PIWIL3: variants seen among roughly 807,000 people sequenced by gnomAD.
The protein encoded by PIWIL3 is piwi like RNA-mediated gene silencing 3, also known as piwi-like protein 3.
PIWIL3 carries 101 observed loss-of-function variants against 109.7 expected under a neutral mutation model. The ratio of observed to expected loss-of-function variants is 0.92; its 90% CI spans 0.78 to 1.09. The LOEUF (loss-of-function observed/expected upper bound fraction) is 1.09, where lower values mean the gene tolerates loss of function less well. PIWIL3 is among the 50% of genes least tolerant of loss of function. The probability of loss-of-function intolerance (pLI) is 0.00; values close to 1 mark genes in which losing one functional copy is unlikely to be tolerated. For missense variants in PIWIL3, 1,031 were observed against 1,072.6 expected (o/e 0.96, Z 0.54); for synonymous variants, 373 against 376.4 (o/e 0.99, Z 0.10).
intron 12 of PIWIL3, among the ~76,000 whole-genome samples, chr22:24,739,795 A>G (rs1923874485): frequency 6.6e-6 from 1 of 152,154 alleles, no homozygotes; most frequent in Non-Finnish European, 1.5e-5. Context: ...TCATGCCTGT[A>G]ATCCCAGCAT....
At chr22:24,732,342 G>C (rs1420180545) in intron 14 of PIWIL3, among the ~76,000 whole-genome samples, 1 of 152,078 alleles carries the variant, frequency 6.6e-6, no homozygotes, top group Admixed American at 6.6e-5. Flanking sequence ...CATCCATTTG[G>C]GGTACATAAG....
rs544015351 is a variant in PIWIL3, at chr22:24,760,417, G to C, written c.103-428C>G. ...AATGAGGCAGCCAGTGTGGCTGGAAGAAGAGGGTGAGAGATGTCAGTGAGA... is the reference window on the plus strand; with the variant it reads ...AATGAGGCAGCCAGTGTGGCTGGAACAAGAGGGTGAGAGATGTCAGTGAGA... On this transcript the variant is annotated intron_variant, in intron 2 of 20. Coordinates refer to ENST00000616349, the MANE Select transcript of PIWIL3 (RefSeq NM_001255975.1). Among the ~76,000 whole-genome samples the C allele has an allele frequency of 2.0e-3, 311 of 152,270 alleles. 4 individuals are homozygous for C. The highest frequency in any genetic ancestry group is 1.2e-3 in the Non-Finnish European group (85 of 68,012).
At chr22:24,760,060 G>A (rs1471698589) in intron 2 of PIWIL3, 71 bp from the exon 3 acceptor site, 10 of 1,585,858 alleles carry the variant, frequency 6.3e-6, no homozygotes, top group South Asian at 3.4e-5. Context: ...AATGGCACTC[G>A]CAGGGCACAA....
intron 1 of PIWIL3, among the ~76,000 whole-genome samples, chr22:24,769,230 T>C (rs541585566): frequency 6.6e-6 from 1 of 152,330 alleles, no homozygotes; most frequent in South Asian, 2.1e-4. Flanking sequence ...TTGTAAGTAG[T>C]TGTTATGTTG....
chr22:24,754,242 T>TA (rs139887845), intron 7 of PIWIL3, 25 bp from the exon 8 acceptor site: 50,041 of 1,584,088 alleles, frequency 0.032, 893 homozygotes, highest in Middle Eastern at 0.058. Context: ...ATGAGAGTAT[T>TA]AGTCCGATCT....
At chr22:24,730,374 A>C (rs1923278288) in intron 14 of PIWIL3, among the ~76,000 whole-genome samples, 1 of 151,736 alleles carries the variant, frequency 6.6e-6, no homozygotes, top group African/African-American at 2.4e-5. Flanking sequence ...AAAAAAAAAA[A>C]AAAAAAAAAG....
chr22:24,745,550 A>G (rs1924300834), intron 12 of PIWIL3, among the ~76,000 whole-genome samples: 1 of 152,088 alleles, frequency 6.6e-6, no homozygotes, highest in Non-Finnish European at 1.5e-5. Context: ...CTGTCTCTAA[A>G]TAAATAAACA....
chr22:24,743,917 G>A (rs993786307), intron 12 of PIWIL3, among the ~76,000 whole-genome samples: 6 of 151,486 alleles, frequency 4.0e-5, no homozygotes, highest in Non-Finnish European at 7.4e-5. Flanking sequence ...CAGTGTTGTC[G>A]GCACCTTAAA....
chr22:24,762,633 G>T, intron 1 of PIWIL3, 112 bp from the exon 2 acceptor site: 1 of 861,004 alleles, frequency 1.2e-6, no homozygotes, highest in Non-Finnish European at 1.7e-6. Flanking sequence ...AGGAAGAGGT[G>T]TGTTTGGCTC....
intron 1 of PIWIL3, among the ~76,000 whole-genome samples, chr22:24,770,452 C>A (rs1351427130): frequency 6.6e-6 from 1 of 152,046 alleles, no homozygotes; most frequent in East Asian, 1.9e-4. Flanking sequence ...TCTCTTCCCC[C>A]CAGACACTCC....
rs1922934919 is a variant in PIWIL3 at position 24,725,453 on chromosome 22, C to T, written c.2072G>A (p.Cys691Tyr). 1.2e-6 allele frequency: 2 copies of T among 1,613,756 alleles called. No homozygotes were observed. The highest frequency in any genetic ancestry group is 1.7e-6 in the Non-Finnish European group (2 of 1,180,046). The change falls in exon 17 of 21, where the codon TGC becomes TAC. Residue 691 changes from cysteine (C) to tyrosine (Y), a missense_variant. Cys to Tyr is a radical substitution (Grantham distance 194). Transcript: ENST00000616349. Reference sequence around the variant, plus strand: ...CGCTACAAGACACTGACCTTTCAAGCAGATCTCCAGCTCTTTCACAAGCTC... The same window carrying T: ...CGCTACAAGACACTGACCTTTCAAGTAGATCTCCAGCTCTTTCACAAGCTC... ...GEELVKELEICLKAALDVWCK... is the reference protein window; with the variant it reads ...GEELVKELEIYLKAALDVWCK...
intron 12 of PIWIL3, among the ~76,000 whole-genome samples, chr22:24,745,717 G>GAAAAAAAA (rs71189273): frequency 3.2e-4 from 26 of 80,216 alleles, no homozygotes; most frequent in East Asian, 1.4e-3. Flanking sequence ...GTCAGACTAA[G>GAAAAAAAA]AAAAAAAAAA....
At chr22:24,764,192 CCGGCCGAAAGAGGCCA>C (rs1180924710) in intron 1 of PIWIL3, among the ~76,000 whole-genome samples, 1 of 152,264 alleles carries the variant, frequency 6.6e-6, no homozygotes, top group Non-Finnish European at 1.5e-5. Flanking sequence ...CCGCCTCCGT[CCGGCCGAAAGAGGCCA>C]CGATGAGCTG....
chr22:24,739,826 G>C (rs1923878115), intron 12 of PIWIL3, among the ~76,000 whole-genome samples: 1 of 152,008 alleles, frequency 6.6e-6, no homozygotes, highest in Admixed American at 6.6e-5. Flanking sequence ...CGAGGCGGGA[G>C]GATCATGAGG....
intron 14 of PIWIL3, among the ~76,000 whole-genome samples, chr22:24,729,007 C>T (rs374033101): frequency 2.0e-5 from 3 of 152,176 alleles, no homozygotes; most frequent in African/African-American, 7.2e-5. Context: ...CAAGGCCTAA[C>T]GCAGAAATGC....
intron 8 of PIWIL3, among the ~76,000 whole-genome samples, chr22:24,753,025 G>C (rs981620261): frequency 4.6e-5 from 7 of 152,076 alleles, no homozygotes; most frequent in Admixed American, 2.0e-4. Context: ...AAATTATGTT[G>C]TCTCTCAAGT....
intron 9 of PIWIL3, among the ~76,000 whole-genome samples, chr22:24,751,070 G>A (rs1924679432): frequency 6.6e-6 from 1 of 151,762 alleles, no homozygotes; most frequent in South Asian, 2.1e-4. Context: ...GTTGCAATGA[G>A]TAGAGATCAT....
intron 14 of PIWIL3, among the ~76,000 whole-genome samples, chr22:24,730,706 A>C (rs1923301057): frequency 6.6e-6 from 1 of 152,240 alleles, no homozygotes; most frequent in Admixed American, 6.5e-5. Flanking sequence ...AAATATCTAA[A>C]AAAAATGAAA....
In PIWIL3 at chr22:24,758,055, C is replaced by T. The variant is rs201418562; in HGVS notation, c.224-16G>A. On this transcript the variant is annotated splice_polypyrimidine_tract_variant and intron_variant, in intron 3 of 20. Coordinates refer to ENST00000616349, the MANE Select transcript of PIWIL3 (RefSeq NM_001255975.1). ...TCCTTCACCCCTGCATAAATGTAAA[C>T]GCCAGAAGTTTAAACAATAAAAAGG... 94 of 1,595,234 alleles carry T rather than the reference C, an allele frequency of 5.9e-5. No individual in the cohort carries two copies. In the African/African-American group the frequency reaches 8.4e-4, roughly 14 times the overall value.
Sources: allele counts gnomAD v4.1 joint callset (sites outside exome capture counted in the v4.1 genomes callset), GRCh38; gene constraint gnomAD v4.1.1; transcripts MANE v1.5; gene names NCBI Gene and HGNC (gene_info 2026-07-23, HGNC 2026-07-21).